MTUS2: variants seen among roughly 807,000 people sequenced by gnomAD.
MTUS2 encodes the protein microtubule associated scaffold protein 2.
In MTUS2, 40 loss-of-function variants were observed where a neutral mutation model predicts 114.1. That is an observed-to-expected ratio of 0.35 (90% CI 0.27 to 0.46). The LOEUF is 0.46. MTUS2 is among the 20% of genes least tolerant of loss of function. The probability of loss-of-function intolerance (pLI) is 1.00; values close to 1 mark genes in which losing one functional copy is unlikely to be tolerated. For synonymous variants in MTUS2, 688 were observed against 672.0 expected (o/e 1.02, Z -0.37); for missense variants, 1,679 against 1,705.4 (o/e 0.98, Z 0.27).
At chr13:29,064,127 C>A (rs1356759524) in intron 4 of MTUS2, among the ~76,000 whole-genome samples, 1 of 152,170 alleles carries the variant, frequency 6.6e-6, no homozygotes, top group Non-Finnish European at 1.5e-5. Context: ...TAGCGGGCAG[C>A]TTATCCTGTA....
intron 9 of MTUS2, among the ~76,000 whole-genome samples, chr13:29,462,021 A>C (rs1261738011): frequency 6.6e-6 from 1 of 152,160 alleles, no homozygotes; most frequent in Non-Finnish European, 1.5e-5. Context: ...ATGCAAGGAA[A>C]ATCACAAGTA....
intron 6 of MTUS2, among the ~76,000 whole-genome samples, chr13:29,282,785 A>G (rs1898327254): frequency 6.6e-6 from 1 of 152,112 alleles, no homozygotes; most frequent in African/African-American, 2.4e-5. Flanking sequence ...TTTTATAGGT[A>G]TTTTTAAATG....
chr13:29,096,466 T>C (rs1890184177), intron 4 of MTUS2, among the ~76,000 whole-genome samples: 1 of 152,256 alleles, frequency 6.6e-6, no homozygotes, highest in African/African-American at 2.4e-5. Context: ...TTGAGGTTAG[T>C]TCTGACCCCT....
intron 5 of MTUS2, among the ~76,000 whole-genome samples, chr13:29,161,413 G>A (rs933857514): frequency 4.0e-5 from 6 of 151,136 alleles, no homozygotes; most frequent in Non-Finnish European, 8.8e-5. Flanking sequence ...ATTATATAAT[G>A]CATAATTATA....
At chr13:29,214,581 C>T (rs976208783) in intron 5 of MTUS2, among the ~76,000 whole-genome samples, 20 of 152,120 alleles carry the variant, frequency 1.3e-4, no homozygotes, top group African/African-American at 4.3e-4. Context: ...TCAGCATTTG[C>T]TTGTCTGTAA....
intron 8 of MTUS2, among the ~76,000 whole-genome samples, chr13:29,389,307 A>G (rs1194930031): frequency 4.8e-5 from 7 of 147,098 alleles, no homozygotes; most frequent in South Asian, 2.1e-4. Flanking sequence ...GTATATGTGT[A>G]TATATGTATA....
chr13:29,465,676 A>C (rs1323702845), intron 9 of MTUS2, among the ~76,000 whole-genome samples: 1 of 152,042 alleles, frequency 6.6e-6, no homozygotes, highest in Non-Finnish European at 1.5e-5. Flanking sequence ...TCACGTCCCA[A>C]AACTCCTCAG....
intron 2 of MTUS2, among the ~76,000 whole-genome samples, chr13:28,860,842 GT>G (rs1474582596): frequency 3.3e-5 from 5 of 152,190 alleles, no homozygotes; most frequent in African/African-American, 1.2e-4. Context: ...TATGTCCCTC[GT>G]TTTGCATTGT....
At chr13:29,166,767 G>A (rs1251526920) in intron 5 of MTUS2, among the ~76,000 whole-genome samples, 3 of 152,294 alleles carry the variant, frequency 2.0e-5, no homozygotes, top group East Asian at 1.9e-4. Flanking sequence ...TGCCAGGTCA[G>A]TAGCCTACCA....
intron 5 of MTUS2, among the ~76,000 whole-genome samples, chr13:29,279,469 C>T (rs1433428198): frequency 6.6e-6 from 1 of 152,184 alleles, no homozygotes; most frequent in African/African-American, 2.4e-5. Context: ...TCTTACCAAG[C>T]AATGGTTTAA....
chr13:29,202,930 T>C (rs769599575), intron 5 of MTUS2, among the ~76,000 whole-genome samples: 2 of 152,184 alleles, frequency 1.3e-5, no homozygotes, highest in Admixed American at 1.3e-4. Context: ...CTCTCCTTTA[T>C]GAGGTGTCTG....
At chr13:28,920,829 C>G (rs960153810) in intron 2 of MTUS2, among the ~76,000 whole-genome samples, 1 of 152,224 alleles carries the variant, frequency 6.6e-6, no homozygotes, top group Non-Finnish European at 1.5e-5. Context: ...TTGTGGCCAC[C>G]AGCAACACCA....
At chr13:29,254,694 A>G (rs1369650651) in intron 5 of MTUS2, among the ~76,000 whole-genome samples, 2 of 152,230 alleles carry the variant, frequency 1.3e-5, no homozygotes, top group Admixed American at 6.5e-5. Context: ...TAAACCTCCA[A>G]TTCATTTAGC....
At chr13:28,845,028 T>TCA (rs1171979272) in intron 2 of MTUS2, among the ~76,000 whole-genome samples, 1 of 152,158 alleles carries the variant, frequency 6.6e-6, no homozygotes, top group Non-Finnish European at 1.5e-5. Context: ...TGATCATAGC[T>TCA]CACTGTAACC....
chr13:29,466,893 AAAAG>A (rs1879931811), intron 9 of MTUS2, among the ~76,000 whole-genome samples: 1 of 151,774 alleles, frequency 6.6e-6, no homozygotes, highest in Non-Finnish European at 1.5e-5. Flanking sequence ...AAAAAAAAAA[AAAAG>A]AAAAGAAAGA....
At chr13:29,363,161 G>A (rs1327219256) in intron 8 of MTUS2, among the ~76,000 whole-genome samples, 1 of 152,082 alleles carries the variant, frequency 6.6e-6, no homozygotes, top group East Asian at 1.9e-4. Flanking sequence ...TTGCTGTGTG[G>A]TTCCCCGTAA....
chr13:28,948,270 G>T (rs190999129), intron 2 of MTUS2, among the ~76,000 whole-genome samples: 1 of 152,060 alleles, frequency 6.6e-6, no homozygotes, highest in Non-Finnish European at 1.5e-5. Flanking sequence ...ACCTCAGGTG[G>T]TCGATAAATG....
At chr13:28,993,274 G>A (rs746316819) in intron 2 of MTUS2, among the ~76,000 whole-genome samples, 1 of 152,160 alleles carries the variant, frequency 6.6e-6, no homozygotes, top group Non-Finnish European at 1.5e-5. Context: ...GCTGGATCAT[G>A]TGGTGATTCT....
chr13:29,138,676 A>C (rs933963577), intron 5 of MTUS2, among the ~76,000 whole-genome samples: 1 of 151,570 alleles, frequency 6.6e-6, no homozygotes, highest in Non-Finnish European at 1.5e-5. Context: ...TAAACATAAT[A>C]AAAACCATTG....
Sources: gnomAD v4.1 joint callset for allele counts (sites outside exome capture counted in the v4.1 genomes callset) on GRCh38, gnomAD v4.1.1 for gene constraint, MANE v1.5 for transcripts, NCBI Gene and HGNC (gene_info 2026-07-23, HGNC 2026-07-21) for gene names.